The following MEF2A variants were observed in gnomAD, a reference collection of about 807,000 sequenced individuals.
MEF2A encodes myocyte-specific enhancer factor 2A.
Under a neutral mutation model 55.8 loss-of-function variants are expected in MEF2A, and 28 were observed. That is an observed-to-expected ratio of 0.50 (90% CI 0.37 to 0.69). The LOEUF (loss-of-function observed/expected upper bound fraction) is 0.69. MEF2A is among the 30% of genes least tolerant of loss of function. MEF2A has a pLI of 0.00. For synonymous variants in MEF2A, 239 were observed against 227.1 expected (o/e 1.05, Z -0.47); for missense variants, 528 against 626.2 (o/e 0.84, Z 1.67).
chr15:99,716,057 T>C lies in MEF2A; in HGVS notation c.*3286T>C, dbSNP rs962695588. On this transcript the variant is annotated 3_prime_UTR_variant, in exon 12 of 12. Transcript: ENST00000557942. The stretch of plus-strand genomic sequence containing the variant: ...ATAAGGAAGCTGAAAACTCCTGGCA[T>C]TGGATCTTAAGCTAGATGATTAGAA... The C allele has an allele frequency of 6.4e-6, 1 of 155,982 alleles. No individual in the cohort carries two copies. Among genetic ancestry groups the C allele is most frequent in the African/African-American group, 2.4e-5 (1 of 41,472 alleles). The allele number at this position is 155,982 out of a possible 1,614,324, so 9.7% of individuals were successfully genotyped here.
At chr15:99,611,862 G>A (rs537700137) in intron 2 of MEF2A, among the ~76,000 whole-genome samples, 3 of 152,190 alleles carry the variant, frequency 2.0e-5, no homozygotes, top group African/African-American at 7.2e-5. Context: ...ACTGATTAAT[G>A]TTATAACCCA....
At chr15:99,684,029 G>A (rs927264858) in intron 7 of MEF2A, among the ~76,000 whole-genome samples, 7 of 152,102 alleles carry the variant, frequency 4.6e-5, no homozygotes, top group African/African-American at 1.7e-4. Context: ...TGCTGCAAAT[G>A]CCATTATTTT....
chr15:99,670,249 T>C (rs1300553000), intron 4 of MEF2A, among the ~76,000 whole-genome samples: 1 of 152,152 alleles, frequency 6.6e-6, no homozygotes, highest in African/African-American at 2.4e-5. Flanking sequence ...CAACTGTTTT[T>C]TGCATTATAC....
chr15:99,565,887 A>C (rs905002738), upstream of MEF2A: 5 of 153,154 alleles, frequency 3.3e-5, no homozygotes, highest in African/African-American at 1.2e-4. Flanking sequence ...AGGGCTGCGG[A>C]GGGACACCGA....
rs113326270 is a variant in MEF2A at position 99,618,035 on chromosome 15, C to T, written c.-142-14943C>T. On this transcript the variant is annotated intron_variant, in intron 2 of 11. Coordinates refer to ENST00000557942, the MANE Select transcript of MEF2A (RefSeq NM_001319206.4). ...AGTGTTTCTCTCTGTAGTCAGAAGC[C>T]CCACAGACAATAAAGCATCCTGTCA... Among the ~76,000 whole-genome samples the T allele has an allele frequency of 1.4e-4, 22 of 152,178 alleles. 1 individual carries two copies. Among genetic ancestry groups the T allele is most frequent in the African/African-American group, 5.3e-4 (22 of 41,506 alleles).
intron 1 of MEF2A, among the ~76,000 whole-genome samples, chr15:99,591,632 G>A (rs1236786604): frequency 6.6e-6 from 1 of 151,996 alleles, no homozygotes; most frequent in Non-Finnish European, 1.5e-5. Flanking sequence ...TCCTTCTGCA[G>A]TTCCAATTAC....
intron 2 of MEF2A, among the ~76,000 whole-genome samples, chr15:99,614,977 G>A (rs2039951836): frequency 6.6e-6 from 1 of 152,176 alleles, no homozygotes; most frequent in South Asian, 2.1e-4. Flanking sequence ...GGGCTTTTAA[G>A]AACAGTGATA....
intron 3 of MEF2A, among the ~76,000 whole-genome samples, chr15:99,636,133 G>A (rs2153429297): frequency 6.6e-6 from 1 of 152,230 alleles, no homozygotes; most frequent in South Asian, 2.1e-4. Flanking sequence ...TTTCCATGAT[G>A]TCTAATGAAG....
chr15:99,588,321 T>G (rs1968081374), intron 1 of MEF2A, among the ~76,000 whole-genome samples: 1 of 151,862 alleles, frequency 6.6e-6, no homozygotes, highest in African/African-American at 2.4e-5. Context: ...TTTCTTTTTT[T>G]GAGAAGGAGT....
chr15:99,704,388 G>A (rs8037206), intron 9 of MEF2A, among the ~76,000 whole-genome samples: 2 of 152,006 alleles, frequency 1.3e-5, no homozygotes, highest in Non-Finnish European at 2.9e-5. Flanking sequence ...AGCTGTAAAT[G>A]TTTTGAATTA....
intron 4 of MEF2A, among the ~76,000 whole-genome samples, chr15:99,661,347 G>C (rs888856463): frequency 6.6e-6 from 1 of 150,652 alleles, no homozygotes; most frequent in Non-Finnish European, 1.5e-5. Flanking sequence ...CTATCATATG[G>C]ATAACTGGAA....
At chr15:99,573,286 C>CAAAAAA (rs66573508) in intron 1 of MEF2A, among the ~76,000 whole-genome samples, 2 of 86,632 alleles carry the variant, frequency 2.3e-5, no homozygotes, top group Non-Finnish European at 4.6e-5. Flanking sequence ...GACTCCGTCT[C>CAAAAAA]AAAAAAAAAA....
rs56729766 is a variant in MEF2A, at chr15:99,601,807, TTGTGTGTGTGTGTGTGTGTG to T, written c.-143+3328_-143+3347del. ...CATTGGATTGTAGTTTTTGTCTGTT[TTGTGTGTGTGTGTGTGTGTG>T]TGTGTGTGTGTGTGTGTGTGTGTGT... On this transcript the variant is annotated intron_variant, in intron 2 of 11. Coordinates refer to ENST00000557942, the MANE Select transcript of MEF2A (RefSeq NM_001319206.4). Among the ~76,000 whole-genome samples the T allele has an allele frequency of 1.4e-3, 196 of 138,870 alleles. 3 individuals are homozygous for T. The highest frequency in any genetic ancestry group is 5.7e-3 in the South Asian group (24 of 4,222). The allele number at this position is 138,870 out of a possible 152,430, so 91.1% of individuals were successfully genotyped here.
chr15:99,636,801 CTCTT>C (rs1199205933), intron 3 of MEF2A, among the ~76,000 whole-genome samples: 1 of 140,780 alleles, frequency 7.1e-6, no homozygotes, highest in Non-Finnish European at 1.5e-5. Flanking sequence ...TCTGTAAGGA[CTCTT>C]TTTTTTTAAC....
At chr15:99,651,086 A>G (rs1315243009) in intron 4 of MEF2A, among the ~76,000 whole-genome samples, 1 of 152,228 alleles carries the variant, frequency 6.6e-6, no homozygotes, top group Non-Finnish European at 1.5e-5. Context: ...AAGTAATTCA[A>G]ACTATGCAGT....
At chr15:99,584,032 A>C (rs1966673203) in intron 1 of MEF2A, among the ~76,000 whole-genome samples, 1 of 152,192 alleles carries the variant, frequency 6.6e-6, no homozygotes, top group Non-Finnish European at 1.5e-5. Flanking sequence ...TACTCTGCTG[A>C]ATAGTGTAGG....
chr15:99,605,715 A>AT (rs1480003019), intron 2 of MEF2A, among the ~76,000 whole-genome samples: 1 of 151,412 alleles, frequency 6.6e-6, no homozygotes, highest in Non-Finnish European at 1.5e-5. Flanking sequence ...CGTGTCTGTA[A>AT]TGCCAGCACC....
intron 10 of MEF2A, among the ~76,000 whole-genome samples, chr15:99,707,487 G>C (rs1429184452): frequency 6.6e-6 from 1 of 152,136 alleles, no homozygotes; most frequent in Non-Finnish European, 1.5e-5. Context: ...ATCTTAAAAT[G>C]CCCTAATTTG....
intron 4 of MEF2A, among the ~76,000 whole-genome samples, chr15:99,667,792 CTT>C (rs934185552): frequency 9.2e-5 from 14 of 152,320 alleles, no homozygotes; most frequent in African/African-American, 3.4e-4. Context: ...ATTACTCTCA[CTT>C]TTCTACACAT....
Sources: allele counts gnomAD v4.1 joint callset (sites outside exome capture counted in the v4.1 genomes callset), GRCh38; gene constraint gnomAD v4.1.1; transcripts MANE v1.5; gene names NCBI Gene and HGNC (gene_info 2026-07-23, HGNC 2026-07-21).